Variants in CD38 observed in about 807,000 individuals in gnomAD.
The protein encoded by CD38 is ADP-ribosyl cyclase/cyclic ADP-ribose hydrolase 1.
A neutral mutation model predicts 36.3 loss-of-function variants in CD38; 31 were observed. The observed-to-expected ratio is 0.85, with a 90% CI of 0.64 to 1.15. The LOEUF is 1.15. Ranked by LOEUF, CD38 falls within the 50% of genes most tolerant of loss-of-function variation. The probability of loss-of-function intolerance (pLI) is 0.00; values close to 1 mark genes in which losing one functional copy is unlikely to be tolerated. For synonymous variants in CD38, 131 were observed against 135.2 expected, an observed-to-expected ratio of 0.97 and a Z score of 0.22; for missense variants, 380 against 371.9, an observed-to-expected ratio of 1.02 and a Z score of -0.18.
chr4:15,792,766 T>C (rs1723031681), intron 1 of CD38, among the ~76,000 whole-genome samples: 1 of 152,194 alleles, frequency 6.6e-6, no homozygotes, highest in South Asian at 2.1e-4. Context: ...ACAACTATCA[T>C]ACCATCATCC....
chr4:15,842,046 G>A (rs893677776), intron 7 of CD38, among the ~76,000 whole-genome samples: 1 of 139,756 alleles, frequency 7.2e-6, no homozygotes, highest in Non-Finnish European at 1.5e-5. Context: ...CTCGAACTGG[G>A]TGGAGCCCAC....
chr4:15,821,693 CCAAAAAA>C (rs949095445), intron 2 of CD38, among the ~76,000 whole-genome samples: 1 of 106,704 alleles, frequency 9.4e-6, no homozygotes, highest in African/African-American at 4.7e-5. Flanking sequence ...TAAATACCAA[CCAAAAAA>C]AAAAAAAAAA....
At chr4:15,829,854 G>A (rs1188026918) in intron 3 of CD38, among the ~76,000 whole-genome samples, 1 of 152,086 alleles carries the variant, frequency 6.6e-6, no homozygotes, top group African/African-American at 2.4e-5. Flanking sequence ...TTATCTTTCT[G>A]TGTCTAGCTT....
chr4:15,804,408 TA>T (rs1223678093), intron 1 of CD38, among the ~76,000 whole-genome samples: 7 of 152,172 alleles, frequency 4.6e-5, no homozygotes, highest in African/African-American at 1.7e-4. Flanking sequence ...TATGATCCAG[TA>T]ATCTCGCTAC....
At chr4:15,815,426 G>T (rs1723575407) in intron 1 of CD38, among the ~76,000 whole-genome samples, 1 of 151,994 alleles carries the variant, frequency 6.6e-6, no homozygotes, top group African/African-American at 2.4e-5. Flanking sequence ...ATTTGTTTGT[G>T]TCCTTTATTT....
At chr4:15,830,552 C>T (rs1443524794) in intron 3 of CD38, among the ~76,000 whole-genome samples, 5 of 152,066 alleles carry the variant, frequency 3.3e-5, no homozygotes, top group African/African-American at 1.2e-4. Flanking sequence ...TCTCTCTTCA[C>T]TTTGTTGATT....
chr4:15,799,000 G>A (rs550464323), intron 1 of CD38, among the ~76,000 whole-genome samples: 8 of 152,076 alleles, frequency 5.3e-5, no homozygotes, highest in South Asian at 2.1e-4. Context: ...TATTTATCAC[G>A]TCCCTTATTT....
At position 15,778,602 on chromosome 4, in the gene CD38, T is replaced by C; in HGVS notation, c.188T>C (p.Val63Ala). 6.2e-7 allele frequency: 1 copy of C among 1,613,636 alleles called. No homozygotes were observed. Among genetic ancestry groups the C allele is most frequent in the Non-Finnish European group, 8.5e-7 (1 of 1,179,940 alleles). Residue 63 changes from valine (V) to alanine (A), a missense_variant, in exon 1 of 8, where the codon GTC becomes GCC. Val to Ala is a moderately conservative substitution (Grantham distance 64, BLOSUM62 0). Coordinates refer to ENST00000226279, the MANE Select transcript of CD38 (RefSeq NM_001775.4). The surrounding 1 kb of genome is among the most constrained non-coding windows in gnomAD (Gnocchi z 4.9). ...ACCACCAAGCGCTTTCCCGAGACCG[T>C]CCTGGCGCGATGCGTCAAGTACACT... ...PGTTKRFPETVLARCVKYTEI... is the reference protein window; with the variant it reads ...PGTTKRFPETALARCVKYTEI...
intron 7 of CD38, 26 bp downstream of exon 7, chr4:15,840,564 A>T (rs964848367): frequency 1.5e-6 from 2 of 1,317,820 alleles, no homozygotes; most frequent in Non-Finnish European, 2.2e-6. Flanking sequence ...TTGAAGAAAA[A>T]AATGACTGTC....
chr4:15,851,719 C>G lies in CD38; in HGVS notation c.*3117C>G, dbSNP rs796267718. 2.4e-4 allele frequency: 37 copies of G among 152,312 alleles called. 1 individual carries two copies. The highest frequency in any genetic ancestry group is 8.2e-4 in the African/African-American group (34 of 41,542). The allele number at this position is 152,312 out of a possible 1,614,324, so 9.4% of individuals were successfully genotyped here. A position where few individuals can be genotyped will look rare whatever the true frequency, so the allele number is the denominator to read the frequency against. ...ACATACACAAACACACGCACACAAG[C>G]CTGCATACATCATATGCCAACAGTG... On this transcript the variant is annotated 3_prime_UTR_variant, in exon 8 of 8. Coordinates refer to ENST00000226279, the MANE Select transcript of CD38 (RefSeq NM_001775.4).
At chr4:15,783,510 C>T (rs1214309881) in intron 1 of CD38, among the ~76,000 whole-genome samples, 1 of 152,094 alleles carries the variant, frequency 6.6e-6, no homozygotes, top group African/African-American at 2.4e-5. Context: ...AGGTGGGGGC[C>T]CTGTGGGGAA....
At chr4:15,786,996 T>G (rs1221004217) in intron 1 of CD38, among the ~76,000 whole-genome samples, 1 of 152,180 alleles carries the variant, frequency 6.6e-6, no homozygotes, top group Non-Finnish European at 1.5e-5. Context: ...CCCTTCACTG[T>G]CCGGGGCCTG....
intron 1 of CD38, among the ~76,000 whole-genome samples, chr4:15,779,364 T>C (rs1013970927): frequency 6.6e-6 from 1 of 152,224 alleles, no homozygotes; most frequent in Non-Finnish European, 1.5e-5. Flanking sequence ...CATTAGTCTA[T>C]GGGACCTTCC....
intron 6 of CD38, 95 bp from the exon 7 acceptor site, chr4:15,840,357 C>T: frequency 1.2e-6 from 1 of 844,734 alleles, no homozygotes; most frequent in Non-Finnish European, 2.0e-6. Flanking sequence ...CCTCTTTATC[C>T]AAGGGCCTTG....
intron 1 of CD38, among the ~76,000 whole-genome samples, chr4:15,786,048 A>G (rs1293015152): frequency 1.3e-5 from 2 of 152,016 alleles, no homozygotes; most frequent in African/African-American, 4.8e-5. Flanking sequence ...TGGTGGGTTC[A>G]TGGTCTCACT....
At chr4:15,796,753 T>C (rs1277823179) in intron 1 of CD38, among the ~76,000 whole-genome samples, 1 of 152,176 alleles carries the variant, frequency 6.6e-6, no homozygotes, top group Non-Finnish European at 1.5e-5. Flanking sequence ...CCACACATAG[T>C]ATCTCTTCCG....
chr4:15,816,421 T>A (rs976686407), intron 1 of CD38, 90 bp from the exon 2 acceptor site: 8 of 1,118,986 alleles, frequency 7.1e-6, no homozygotes, highest in African/African-American at 6.3e-5. Flanking sequence ...TAATAGATGC[T>A]TCCTAAATAA....
At chr4:15,784,155 G>A (rs1252710747) in intron 1 of CD38, among the ~76,000 whole-genome samples, 3 of 152,196 alleles carry the variant, frequency 2.0e-5, no homozygotes, top group African/African-American at 7.2e-5. Context: ...AGTTAGTGCT[G>A]CGCTAGATTC....
chr4:15,793,092 A>G (rs1232487198), intron 1 of CD38, among the ~76,000 whole-genome samples: 1 of 152,024 alleles, frequency 6.6e-6, no homozygotes, highest in Non-Finnish European at 1.5e-5. Flanking sequence ...CTGTTGACTG[A>G]CAGCTTGGCC....
Sources: allele counts gnomAD v4.1 joint callset (sites outside exome capture counted in the v4.1 genomes callset), GRCh38; gene constraint gnomAD v4.1.1; non-coding constraint Gnocchi (gnomAD v3.1); transcripts MANE v1.5; gene names NCBI Gene and HGNC (gene_info 2026-07-23, HGNC 2026-07-21).